Variants in CHRM3 observed in about 807,000 individuals in gnomAD.
CHRM3 encodes the protein cholinergic receptor muscarinic 3, also known as muscarinic acetylcholine receptor M3.
A neutral mutation model predicts 41.8 loss-of-function variants in CHRM3; 11 were observed. The observed-to-expected ratio is 0.26, with a 90% confidence interval of 0.17 to 0.44. The LOEUF is 0.44. Among genes scored for constraint, CHRM3 ranks in the 20% least tolerant of loss-of-function variants. The pLI, the probability that CHRM3 is intolerant of heterozygous loss-of-function variation, is 1.00. For synonymous variants in CHRM3, 297 were observed against 301.4 expected (o/e 0.99, Z 0.15); for missense variants, 571 against 745.4 (o/e 0.77, Z 2.72).
At chr1:239,648,148 T>C (rs1003192111) in intron 4 of CHRM3, among the ~76,000 whole-genome samples, 1 of 152,144 alleles carries the variant, frequency 6.6e-6, no homozygotes, top group Admixed American at 6.5e-5. Flanking sequence ...GAAAGAAAGA[T>C]TCTCTAGGGG....
chr1:239,894,745 A>G (rs1486566381), intron 6 of CHRM3, among the ~76,000 whole-genome samples: 20 of 152,130 alleles, frequency 1.3e-4, no homozygotes, highest in Admixed American at 1.3e-3. Flanking sequence ...GAAGTCTTCC[A>G]TTTATAAAGC....
intron 6 of CHRM3, among the ~76,000 whole-genome samples, chr1:239,882,080 A>AT (rs1677690456): frequency 1.3e-5 from 2 of 151,652 alleles, no homozygotes; most frequent in African/African-American, 4.9e-5. Flanking sequence ...TAATTTTTGT[A>AT]TTTTTTTAGT....
chr1:239,875,384 C>T (rs117719110), intron 6 of CHRM3, among the ~76,000 whole-genome samples: 2 of 152,328 alleles, frequency 1.3e-5, no homozygotes, highest in East Asian at 3.9e-4. Context: ...CCACAGACAA[C>T]ACATAAACAA....
intron 6 of CHRM3, among the ~76,000 whole-genome samples, chr1:239,896,296 C>A (rs1678999387): frequency 6.6e-6 from 1 of 152,192 alleles, no homozygotes; most frequent in South Asian, 2.1e-4. Flanking sequence ...TTGCTACCAC[C>A]ACATCAACTC....
intron 1 of CHRM3, among the ~76,000 whole-genome samples, chr1:239,482,933 T>C (rs1666953761): frequency 3.9e-5 from 6 of 151,982 alleles, no homozygotes; most frequent in Admixed American, 3.9e-4. Flanking sequence ...ATTCTTATAC[T>C]TCTAAAGCAT....
intron 4 of CHRM3, among the ~76,000 whole-genome samples, chr1:239,662,341 T>C (rs1296135279): frequency 6.6e-6 from 1 of 152,170 alleles, no homozygotes; most frequent in African/African-American, 2.4e-5. Flanking sequence ...TTGAAATGAC[T>C]GTACATGATT....
intron 1 of CHRM3, among the ~76,000 whole-genome samples, chr1:239,423,028 A>G (rs1229836220): frequency 6.6e-6 from 1 of 152,146 alleles, no homozygotes; most frequent in Non-Finnish European, 1.5e-5. Flanking sequence ...TCCAAGTTTC[A>G]TGAAATTTCT....
intron 2 of CHRM3, among the ~76,000 whole-genome samples, chr1:239,514,705 T>C (rs1290299025): frequency 1.3e-5 from 2 of 152,140 alleles, no homozygotes; most frequent in African/African-American, 4.8e-5. Context: ...AACTTAGTGG[T>C]GAAGAAATTT....
chr1:239,843,959 T>G (rs1674054753), intron 6 of CHRM3, among the ~76,000 whole-genome samples: 2 of 152,180 alleles, frequency 1.3e-5, no homozygotes, highest in African/African-American at 2.4e-5. Context: ...CACATACACA[T>G]ATGCATACAC....
intron 4 of CHRM3, among the ~76,000 whole-genome samples, chr1:239,672,799 G>C (rs558522687): frequency 6.6e-6 from 1 of 152,116 alleles, no homozygotes; most frequent in Non-Finnish European, 1.5e-5. Flanking sequence ...CAAATGGTTT[G>C]TAAGATTTAT....
chr1:239,721,487 A>G (rs1035071296), intron 5 of CHRM3, among the ~76,000 whole-genome samples: 1 of 151,948 alleles, frequency 6.6e-6, no homozygotes, highest in African/African-American at 2.4e-5. Flanking sequence ...AATAAGAAGT[A>G]TGTATCTCAT....
chr1:239,415,172 G>C (rs1430036322), intron 1 of CHRM3, among the ~76,000 whole-genome samples: 1 of 152,188 alleles, frequency 6.6e-6, no homozygotes. Flanking sequence ...ATTCCAACCT[G>C]GTGCGGTGGC....
intron 3 of CHRM3, among the ~76,000 whole-genome samples, chr1:239,555,836 G>A (rs1015838352): frequency 6.6e-6 from 1 of 152,144 alleles, no homozygotes; most frequent in Non-Finnish European, 1.5e-5. Flanking sequence ...TCTTTCCTGG[G>A]TGAAGCCAAA....
intron 2 of CHRM3, among the ~76,000 whole-genome samples, chr1:239,532,009 CTTTT>C (rs34798101): frequency 2.6e-5 from 2 of 76,288 alleles, no homozygotes; most frequent in Admixed American, 1.7e-4. Context: ...TTCCTTCTTT[CTTTT>C]TTTTTTTTTT....
At chr1:239,441,474 C>G (rs1046465558) in intron 1 of CHRM3, among the ~76,000 whole-genome samples, 3 of 152,150 alleles carry the variant, frequency 2.0e-5, no homozygotes, top group Non-Finnish European at 4.4e-5. Context: ...CAATATTTGT[C>G]TACATTTGAA....
intron 6 of CHRM3, among the ~76,000 whole-genome samples, chr1:239,879,131 C>A (rs1376853836): frequency 2.6e-5 from 4 of 152,112 alleles, no homozygotes; most frequent in African/African-American, 9.7e-5. Context: ...CAAGAATGTG[C>A]ATTTCCATTT....
At chr1:239,539,851 A>G (rs55880438) in intron 2 of CHRM3, among the ~76,000 whole-genome samples, 9,669 of 152,202 alleles carry the variant, frequency 0.064, 319 homozygotes, top group African/African-American at 0.095. Context: ...TCCTGGATTC[A>G]AGCGATCCAC....
intron 5 of CHRM3, among the ~76,000 whole-genome samples, chr1:239,821,996 T>C (rs767368671): frequency 1.1e-4 from 16 of 152,142 alleles, no homozygotes; most frequent in Non-Finnish European, 2.4e-4. Flanking sequence ...TGCTTCTCCT[T>C]TGCCTTCCAC....
chr1:239,439,517 A>G (rs567875906), intron 1 of CHRM3, among the ~76,000 whole-genome samples: 1 of 152,316 alleles, frequency 6.6e-6, no homozygotes, highest in South Asian at 2.1e-4. Flanking sequence ...GAACAATGAG[A>G]GGAGAATTGA....
Sources: gnomAD v4.1 joint callset for allele counts (sites outside exome capture counted in the v4.1 genomes callset) on GRCh38, gnomAD v4.1.1 for gene constraint, MANE v1.5 for transcripts, NCBI Gene and HGNC (gene_info 2026-07-23, HGNC 2026-07-21) for gene names.